PLCB1: variants seen among roughly 807,000 people sequenced by gnomAD.
PLCB1 encodes 1-phosphatidylinositol 4,5-bisphosphate phosphodiesterase beta-1.
A neutral mutation model predicts 161.8 loss-of-function variants in PLCB1; 46 were observed. The observed-to-expected ratio is 0.28, with a 90% CI of 0.22 to 0.36. The LOEUF (loss-of-function observed/expected upper bound fraction) is 0.36. PLCB1 is among the 10% of genes least tolerant of loss of function. The probability of loss-of-function intolerance (pLI) is 1.00; values close to 1 mark genes in which losing one functional copy is unlikely to be tolerated. For synonymous variants in PLCB1, 517 were observed against 503.7 expected, an observed-to-expected ratio of 1.03 and a Z score of -0.35; for missense variants, 1,016 against 1,472.5, an observed-to-expected ratio of 0.69 and a Z score of 5.07.
At chr20:8,513,631 A>G (rs1983986052) in intron 3 of PLCB1, among the ~76,000 whole-genome samples, 3 of 152,196 alleles carry the variant, frequency 2.0e-5, no homozygotes, top group Admixed American at 6.5e-5. Flanking sequence ...TATCACTGAA[A>G]TATGGTAGTG....
chr20:8,306,445 G>C (rs919196499), intron 2 of PLCB1: 3 of 152,174 alleles, frequency 2.0e-5, no homozygotes, highest in East Asian at 1.9e-4. Flanking sequence ...TGTTTCATTT[G>C]AGTCAGATTT....
At chr20:8,602,504 C>T (rs1987621189) in intron 3 of PLCB1, among the ~76,000 whole-genome samples, 1 of 152,120 alleles carries the variant, frequency 6.6e-6, no homozygotes, top group Non-Finnish European at 1.5e-5. Context: ...GATGATTAAC[C>T]AGAGGTTACA....
chr20:8,370,971 G>A (rs1259183361), intron 2 of PLCB1: 1 of 162,222 alleles, frequency 6.2e-6, no homozygotes, highest in Non-Finnish European at 1.3e-5. Context: ...GATAAGCTGG[G>A]TATGTATGTG....
chr20:8,555,025 A>G (rs1302556098), intron 3 of PLCB1, among the ~76,000 whole-genome samples: 1 of 152,134 alleles, frequency 6.6e-6, no homozygotes, highest in Non-Finnish European at 1.5e-5. Context: ...ATCTTAAGTT[A>G]AAATGTCACA....
intron 2 of PLCB1, among the ~76,000 whole-genome samples, chr20:8,269,077 CT>C (rs34264917): frequency 2.6e-5 from 4 of 151,808 alleles, no homozygotes; most frequent in African/African-American, 7.3e-5. Context: ...TTATGAAGAA[CT>C]TTTTTTAAAT....
rs753121532 is a variant in PLCB1 at position 8,697,673 on chromosome 20, C to T, written c.1057C>T (p.Leu353Phe). Residue 353 changes from leucine to phenylalanine, a missense_variant, in exon 11 of 32, where the codon CTC (leucine) becomes TTC (phenylalanine). By Grantham distance (22) the Leu-to-Phe change is conservative. Around this residue, in one of 10 missense-constraint regions of PLCB1, gnomAD observed 9 missense variants for 45.4 expected, o/e 0.20. Transcript: ENST00000338037. ...NSSVEMYRQV[L>F]LSGCRCVELD... ...CTCTGTTGAGATGTATCGCCAAGTG[C>T]TCCTGTCTGGTTGTCGCTGTGTGGA... The T allele has an allele frequency of 1.2e-6, 2 of 1,614,188 alleles. No individual in the cohort carries two copies. The highest frequency in any genetic ancestry group is 1.7e-5 in the Admixed American group (1 of 60,022).
intron 2 of PLCB1, among the ~76,000 whole-genome samples, chr20:8,175,697 C>A (rs2051775664): frequency 6.6e-6 from 1 of 151,700 alleles, no homozygotes; most frequent in Non-Finnish European, 1.5e-5. Flanking sequence ...TGTGTAAAAT[C>A]CTAAAAAGAG....
chr20:8,141,147 T>A (rs1040931162), intron 1 of PLCB1, among the ~76,000 whole-genome samples: 4 of 152,214 alleles, frequency 2.6e-5, no homozygotes, highest in Non-Finnish European at 4.4e-5. Context: ...AAGAGATTGA[T>A]AGACTTTTCC....
At chr20:8,412,810 TG>T (rs1193304276) in intron 3 of PLCB1, among the ~76,000 whole-genome samples, 2 of 152,186 alleles carry the variant, frequency 1.3e-5, no homozygotes, top group African/African-American at 2.4e-5. Flanking sequence ...GCAGCTATAT[TG>T]ATATGTGCTT....
chr20:8,644,721 G>A (rs76351548), intron 4 of PLCB1, among the ~76,000 whole-genome samples: 34,948 of 148,390 alleles, frequency 0.24, 4,311 homozygotes, highest in Admixed American at 0.33. Context: ...TCAGCCCCCC[G>A]CCCTGCCAGC....
At chr20:8,534,720 T>G (rs747617772) in intron 3 of PLCB1, among the ~76,000 whole-genome samples, 1 of 152,166 alleles carries the variant, frequency 6.6e-6, no homozygotes, top group Non-Finnish European at 1.5e-5. Flanking sequence ...ACAAAGCAAC[T>G]GAGATATGCG....
Position 8,506,187 on chromosome 20 carries a change from T to G in PLCB1, c.247-122107T>G, listed in dbSNP as rs971564563. On this transcript the variant is annotated intron_variant, in intron 3 of 31. Coordinates refer to ENST00000338037, the MANE Select transcript of PLCB1 (RefSeq NM_015192.4). The stretch of plus-strand genomic sequence containing the variant: ...TTTGGTTTGCAAGAATTTTGGAAGG[T>G]ATTATTTGCGTTTAAAACAAACTAT... Among the ~76,000 whole-genome samples the G allele has an allele frequency of 3.3e-5, 5 of 152,234 alleles. No individual in the cohort carries two copies. In the South Asian group the frequency reaches 1.0e-3, roughly 32 times the overall value.
intron 2 of PLCB1, among the ~76,000 whole-genome samples, chr20:8,299,051 T>C (rs1983769618): frequency 6.6e-6 from 1 of 152,138 alleles, no homozygotes; most frequent in African/African-American, 2.4e-5. Context: ...TCATTCATTT[T>C]TCTGAAGAAG....
intron 31 of PLCB1, among the ~76,000 whole-genome samples, chr20:8,852,719 G>C (rs1383493630): frequency 6.6e-6 from 1 of 152,160 alleles, no homozygotes; most frequent in Non-Finnish European, 1.5e-5. Context: ...AGCATAGTTT[G>C]CTCTCCAATT....
chr20:8,450,036 A>C (rs2122643448), intron 3 of PLCB1, among the ~76,000 whole-genome samples: 1 of 152,324 alleles, frequency 6.6e-6, no homozygotes, highest in Non-Finnish European at 1.5e-5. Context: ...TTTGGAATTC[A>C]ATTATTCAAT....
At position 8,146,195 on chromosome 20, in the gene PLCB1, A is replaced by C. The variant is rs577099413; in HGVS notation, c.100-4099A>C. 2.0e-5 allele frequency among the ~76,000 whole-genome samples: 3 copies of C among 150,642 alleles called. No individual in the cohort carries two copies. In the East Asian group the frequency reaches 5.8e-4, roughly 29 times the overall value. On this transcript the variant is annotated intron_variant, in intron 1 of 31. Transcript: ENST00000338037. The stretch of plus-strand genomic sequence containing the variant: ...CTGCAATATTGAAGTGTCATGGGGG[A>C]TGATTAGAAAAATAAAAACCTAAAA...
chr20:8,676,725 A>G (rs1033500376), intron 9 of PLCB1, among the ~76,000 whole-genome samples: 26 of 152,366 alleles, frequency 1.7e-4, no homozygotes, highest in African/African-American at 5.5e-4. Flanking sequence ...AAACACATCC[A>G]GAAATCCAAT....
At chr20:8,539,682 T>TTC (rs1420499448) in intron 3 of PLCB1, among the ~76,000 whole-genome samples, 6 of 48,352 alleles carry the variant, frequency 1.2e-4, no homozygotes, top group African/African-American at 2.8e-4. Context: ...CTTTCTTTCT[T>TTC]TCTTTTTCTT....
intron 2 of PLCB1, among the ~76,000 whole-genome samples, chr20:8,231,205 A>G (rs1600249228): frequency 6.6e-6 from 1 of 152,116 alleles, no homozygotes; most frequent in African/African-American, 2.4e-5. Flanking sequence ...CTGTTGATTT[A>G]TTCTCTCCAT....
Sources: allele counts gnomAD v4.1 joint callset (sites outside exome capture counted in the v4.1 genomes callset), GRCh38; gene constraint gnomAD v4.1.1; regional missense constraint gnomAD v4.1.1; transcripts MANE v1.5; gene names NCBI Gene and HGNC (gene_info 2026-07-23, HGNC 2026-07-21).